APP: variants seen among roughly 807,000 people sequenced by gnomAD.
APP encodes the protein amyloid beta precursor protein.
In APP, 31 loss-of-function variants were observed where a neutral mutation model predicts 101.4. The ratio of observed to expected loss-of-function variants is 0.31; its 90% CI spans 0.23 to 0.41. The LOEUF (loss-of-function observed/expected upper bound fraction) is 0.41, where lower values mean the gene tolerates loss of function less well. Ranked by LOEUF, APP falls within the 10% of genes least tolerant of loss-of-function variation. The probability of loss-of-function intolerance (pLI) is 1.00; values close to 1 mark genes in which losing one functional copy is unlikely to be tolerated. For missense variants in APP, 839 were observed against 1,003.7 expected (o/e 0.84, Z 2.22); for synonymous variants, 366 against 364.4 (o/e 1.00, Z -0.05).
chr21:25,967,152 T>C (rs2041827342), intron 11 of APP, among the ~76,000 whole-genome samples: 1 of 152,198 alleles, frequency 6.6e-6, no homozygotes, highest in African/African-American at 2.4e-5. Flanking sequence ...GGCTGAACCA[T>C]TCAAAAATGA....
At chr21:26,065,432 G>T (rs2046420041) in intron 3 of APP, among the ~76,000 whole-genome samples, 1 of 151,842 alleles carries the variant, frequency 6.6e-6, no homozygotes, top group Admixed American at 6.6e-5. Context: ...CTTTTTTTTA[G>T]AAAAAAATAT....
intron 16 of APP, among the ~76,000 whole-genome samples, chr21:25,893,142 A>AT (rs1181504096): frequency 9.2e-5 from 14 of 152,052 alleles, no homozygotes; most frequent in African/African-American, 3.1e-4. Flanking sequence ...TACTATTTTA[A>AT]TTGTTTTGGA....
chr21:25,960,994 T>G (rs2041555484), intron 11 of APP, among the ~76,000 whole-genome samples: 1 of 152,172 alleles, frequency 6.6e-6, no homozygotes. Flanking sequence ...ACAAATACTA[T>G]TTTTAGTTAA....
chr21:26,097,188 T>C (rs1227762014), intron 2 of APP, among the ~76,000 whole-genome samples: 1 of 152,226 alleles, frequency 6.6e-6, no homozygotes, highest in African/African-American at 2.4e-5. Flanking sequence ...GACCATTCTG[T>C]CCTACCACTG....
Position 26,078,104 on chromosome 21 carries a change from C to G in APP, c.355+11839G>C, listed in dbSNP as rs546409150. On this transcript the variant is annotated intron_variant, in intron 3 of 17. Coordinates refer to ENST00000346798, the MANE Select transcript of APP (RefSeq NM_000484.4). ...ACCTGAAAAAAAGCATATTCTTTTCCTCAGTGCTAATTGAGAACTGGCTTT... is the reference window on the plus strand; with the variant it reads ...ACCTGAAAAAAAGCATATTCTTTTCGTCAGTGCTAATTGAGAACTGGCTTT... Among the ~76,000 whole-genome samples, 15 of 152,232 alleles carry G rather than the reference C, an allele frequency of 9.9e-5. No homozygotes were observed. In the East Asian group the frequency reaches 2.9e-3, roughly 29 times the overall value.
At chr21:26,142,713 G>C (rs150000051) in intron 1 of APP, among the ~76,000 whole-genome samples, 179 of 152,072 alleles carry the variant, frequency 1.2e-3, no homozygotes, top group African/African-American at 3.7e-3. Flanking sequence ...AGGCTGCAGT[G>C]AGCTAAGACC....
chr21:26,128,153 C>T (rs905902945), intron 1 of APP, among the ~76,000 whole-genome samples: 13 of 152,226 alleles, frequency 8.5e-5, no homozygotes, highest in Non-Finnish European at 1.9e-4. Context: ...CTAAAAGAGA[C>T]AAACTGGTAA....
chr21:25,933,962 G>A (rs540356301), intron 13 of APP: 8 of 152,240 alleles, frequency 5.3e-5, no homozygotes, highest in African/African-American at 1.9e-4. Context: ...ATATGTTGAA[G>A]TCCTAATGCC....
At chr21:25,950,381 CTTTTTTTTTTTTT>C (rs57124711) in intron 13 of APP, among the ~76,000 whole-genome samples, 1 of 133,138 alleles carries the variant, frequency 7.5e-6, no homozygotes, top group African/African-American at 2.7e-5. Flanking sequence ...TTTTTTTTTT[CTTTTTTTTTTTTT>C]TTGGAGACGG....
chr21:25,905,333 C>T (rs888447223), intron 14 of APP, among the ~76,000 whole-genome samples: 3 of 152,130 alleles, frequency 2.0e-5, no homozygotes, highest in South Asian at 2.1e-4. Context: ...CACCAGGATA[C>T]GCAGCAACAT....
chr21:26,093,077 T>C (rs2061862340), intron 2 of APP, among the ~76,000 whole-genome samples: 1 of 152,182 alleles, frequency 6.6e-6, no homozygotes, highest in South Asian at 2.1e-4. Context: ...TGTTCTTAAG[T>C]ATCTTAATAT....
rs150790061 is a variant in APP at position 26,115,260 on chromosome 21, T to C, written c.58-3114A>G. 8.7e-3 allele frequency among the ~76,000 whole-genome samples: 1,318 copies of C among 152,304 alleles called. 7 individuals carry two copies. The highest frequency in any genetic ancestry group is 0.013 in the Non-Finnish European group (882 of 68,018). ...TGTATAGATCTTCTTACATTTGACA[T>C]TACAAGAGGCCCTTCACAAATAAAT... On this transcript the variant is annotated intron_variant, in intron 1 of 17. Transcript: ENST00000346798.
At chr21:25,940,126 G>A (rs2040513568) in intron 13 of APP, among the ~76,000 whole-genome samples, 1 of 151,976 alleles carries the variant, frequency 6.6e-6, no homozygotes, top group Admixed American at 6.6e-5. Flanking sequence ...TAATCTTAAG[G>A]GTATTGAGCC....
intron 16 of APP, among the ~76,000 whole-genome samples, chr21:25,894,806 C>T (rs2037925081): frequency 6.6e-6 from 1 of 152,230 alleles, no homozygotes; most frequent in African/African-American, 2.4e-5. Flanking sequence ...CGAAGACTGA[C>T]TCCAATTTTG....
intron 6 of APP, among the ~76,000 whole-genome samples, chr21:26,003,979 T>A (rs114198173): frequency 0.012 from 1,799 of 152,334 alleles, 43 homozygotes; most frequent in African/African-American, 0.041. Context: ...TTCTCTGACT[T>A]TTTTGCTAAC....
chr21:25,974,112 G>C (rs1053471649), intron 11 of APP, among the ~76,000 whole-genome samples: 1 of 151,940 alleles, frequency 6.6e-6, no homozygotes, highest in Non-Finnish European at 1.5e-5. Flanking sequence ...CCATGAATAA[G>C]TCTCATCATT....
At chr21:26,107,179 C>T (rs1414637493) in intron 2 of APP, among the ~76,000 whole-genome samples, 1 of 152,156 alleles carries the variant, frequency 6.6e-6, no homozygotes, top group Non-Finnish European at 1.5e-5. Context: ...AGCTATTCCA[C>T]ACCCTTAGAG....
At chr21:26,031,969 G>C (rs1365897614) in intron 5 of APP, among the ~76,000 whole-genome samples, 1 of 152,198 alleles carries the variant, frequency 6.6e-6, no homozygotes, top group Admixed American at 6.5e-5. Flanking sequence ...AAGCCATGTG[G>C]CTCAGGCTAC....
intron 13 of APP, among the ~76,000 whole-genome samples, chr21:25,937,010 A>G (rs925350309): frequency 8.5e-5 from 13 of 152,150 alleles, no homozygotes; most frequent in African/African-American, 2.7e-4. Context: ...GATGTGACTC[A>G]GTTCAGGATT....
Sources: allele counts gnomAD v4.1 joint callset (sites outside exome capture counted in the v4.1 genomes callset), GRCh38; gene constraint gnomAD v4.1.1; transcripts MANE v1.5; gene names NCBI Gene and HGNC (gene_info 2026-07-23, HGNC 2026-07-21).